Variants in CCNT1 observed in about 807,000 individuals in gnomAD.
CCNT1 encodes the protein cyclin T1, also known as cyclin-T1.
CCNT1 carries 18 observed loss-of-function variants against 67.3 expected under a neutral mutation model. The ratio of observed to expected loss-of-function variants is 0.27; its 90% CI spans 0.18 to 0.40. The LOEUF (loss-of-function observed/expected upper bound fraction) is 0.40, where lower values mean the gene tolerates loss of function less well. CCNT1 is among the 10% of genes least tolerant of loss of function. The pLI, the probability that CCNT1 is intolerant of heterozygous loss-of-function variation, is 1.00. For missense variants in CCNT1, 744 were observed against 884.9 expected (o/e 0.84, Z 2.02); for synonymous variants, 333 against 310.3 (o/e 1.07, Z -0.77).
chr12:48,708,593 G>A (rs1315024009), intron 2 of CCNT1, among the ~76,000 whole-genome samples: 1 of 151,540 alleles, frequency 6.6e-6, no homozygotes, highest in Non-Finnish European at 1.5e-5. Context: ...TAGAAATAAA[G>A]GAAAAAAGAA....
At position 48,693,481 on chromosome 12, in the gene CCNT1, T is replaced by A. The variant is rs1565615071; in HGVS notation, c.1733A>T (p.Glu578Val). ...SSSTRKRGPS[E>V]ETGGAVFDHP... ...ATCAAACACAGCCCCTCCAGTCTCT[T>A]CAGAGGGTCCCCTTTTACGAGTAGA... Residue 578 changes from glutamate (E) to valine (V), a missense_variant, in exon 9 of 9, where the codon GAA becomes GTA. This residue lies in a region of CCNT1 where 564 missense variants were observed against 574.2 expected (regional missense o/e 0.98). Coordinates refer to ENST00000261900, the MANE Select transcript of CCNT1 (RefSeq NM_001240.4). 1 of 1,614,200 alleles carries A rather than the reference T, an allele frequency of 6.2e-7. No individual in the cohort carries two copies. Among genetic ancestry groups the A allele is most frequent in the Non-Finnish European group, 8.5e-7 (1 of 1,180,036 alleles).
intron 3 of CCNT1, among the ~76,000 whole-genome samples, chr12:48,705,041 T>C (rs1362450454): frequency 6.6e-6 from 1 of 152,202 alleles, no homozygotes; most frequent in Non-Finnish European, 1.5e-5. Context: ...GTCTAGAATA[T>C]ATCTGAGAGA....
intron 3 of CCNT1, among the ~76,000 whole-genome samples, chr12:48,705,281 T>TTTGTTG (rs60219074): frequency 0.2 from 30,485 of 150,824 alleles, 3,228 homozygotes; most frequent in Admixed American, 0.29. Context: ...CCAGTTGTTT[T>TTTGTTG]TTGTTGTTGT....
rs879925661 is a variant in CCNT1, at chr12:48,689,189, GAC to G, written c.*3842_*3843del. The G allele has an allele frequency of 4.6e-5, 7 of 152,272 alleles. No individual in the cohort carries two copies. The highest frequency in any genetic ancestry group is 8.8e-5 in the Non-Finnish European group (6 of 68,024). The allele number at this position is 152,272 out of a possible 1,614,324, so 9.4% of individuals were successfully genotyped here. A position where few individuals can be genotyped will look rare whatever the true frequency, so the allele number is the denominator to read the frequency against. On this transcript the variant is annotated 3_prime_UTR_variant, in exon 9 of 9. Coordinates refer to ENST00000261900, the MANE Select transcript of CCNT1 (RefSeq NM_001240.4). ...TAAACACTCACAAAGGGGAAGAGTA[GAC>G]ACTGCTTTTAGTAAACGTCCTTTTT...
intron 2 of CCNT1, among the ~76,000 whole-genome samples, chr12:48,706,273 G>A (rs1246251551): frequency 6.6e-6 from 1 of 152,170 alleles, no homozygotes; most frequent in East Asian, 1.9e-4. Context: ...AAAGTTTAGT[G>A]GTTGCCAGGA....
At chr12:48,712,769 G>A (rs1940475537) in intron 2 of CCNT1, among the ~76,000 whole-genome samples, 1 of 151,226 alleles carries the variant, frequency 6.6e-6, no homozygotes. Context: ...GTGAAACCTC[G>A]TCTCTACTAA....
Position 48,692,181 on chromosome 12 carries a change from C to G in CCNT1, c.*852G>C, listed in dbSNP as rs1940086040. ...GAGTCAGGGTGTTGGCTGTACTTGCCCAAACTACAAATTAGAGGGCTACTA... is the reference window on the plus strand; with the variant it reads ...GAGTCAGGGTGTTGGCTGTACTTGCGCAAACTACAAATTAGAGGGCTACTA... On this transcript the variant is annotated 3_prime_UTR_variant, in exon 9 of 9. Coordinates refer to ENST00000261900, the MANE Select transcript of CCNT1 (RefSeq NM_001240.4). The G allele has an allele frequency of 6.6e-6, 1 of 152,002 alleles. No individual in the cohort carries two copies. The highest frequency in any genetic ancestry group is 2.1e-4 in the South Asian group (1 of 4,818). 9.4% of individuals were successfully genotyped at this position (152,002 alleles called of 1,614,324 possible).
Position 48,716,495 on chromosome 12 carries a change from GGCC to G in CCNT1, c.161+17_161+19del. ...TGGCGGGACCAACTCCAAGGCCGAA[GGCC>G]TAGGCCACAAGGATACACGTTAAGA... On this transcript the variant is annotated intron_variant, in intron 1 of 8. Transcript: ENST00000261900. 1 of 1,600,782 alleles carries G rather than the reference GGCC, an allele frequency of 6.2e-7. No homozygotes were observed. The highest frequency in any genetic ancestry group is 8.5e-7 in the Non-Finnish European group (1 of 1,171,758).
At position 48,693,013 on chromosome 12, in the gene CCNT1, C is replaced by A; in HGVS notation, c.*20G>T. On this transcript the variant is annotated 3_prime_UTR_variant, in exon 9 of 9. Coordinates refer to ENST00000261900, the MANE Select transcript of CCNT1 (RefSeq NM_001240.4). ...TGTGTTTTTTTAAAGAAGTTTTTTT[C>A]TCCTCTTCTTTTTCTTTTTTTACTT... 1 of 1,419,752 alleles carries A rather than the reference C, an allele frequency of 7.0e-7. No homozygotes were observed. Among genetic ancestry groups the A allele is most frequent in the Non-Finnish European group, 9.4e-7 (1 of 1,058,728 alleles). The allele number at this position is 1,419,752 out of a possible 1,614,324, so 87.9% of individuals were successfully genotyped here.
intron 3 of CCNT1, among the ~76,000 whole-genome samples, chr12:48,703,867 G>A (rs76385437): frequency 0.02 from 3,032 of 151,660 alleles, 106 homozygotes; most frequent in African/African-American, 0.07. Flanking sequence ...TCAAGGCCGC[G>A]GTGAGCCATG....
chr12:48,700,222 G>A (rs1940242225), intron 4 of CCNT1, among the ~76,000 whole-genome samples: 1 of 151,500 alleles, frequency 6.6e-6, no homozygotes, highest in Non-Finnish European at 1.5e-5. Context: ...TGGAGGCTGA[G>A]GCAGGAGAAT....
chr12:48,704,577 A>G (rs1335840330), intron 3 of CCNT1, among the ~76,000 whole-genome samples: 1 of 152,182 alleles, frequency 6.6e-6, no homozygotes, highest in Non-Finnish European at 1.5e-5. Flanking sequence ...GTGGGAGGCC[A>G]AGGCGGGCAG....
At position 48,701,027 on chromosome 12, in the gene CCNT1, A is replaced by G; in HGVS notation, c.419T>C (p.Ile140Thr). ...VQDLVILESIILQTLGFELTI... is the reference protein window; with the variant it reads ...VQDLVILESITLQTLGFELTI... ...AATAAACTTACCTAAAGTCTGCAAAATTATGCTTTCTAAAATGACCAGATC... is the reference window on the plus strand; with the variant it reads ...AATAAACTTACCTAAAGTCTGCAAAGTTATGCTTTCTAAAATGACCAGATC... The change falls in exon 4 of 9, where the codon ATT becomes ACT. Residue 140 changes from isoleucine to threonine, a missense_variant. Ile to Thr is a moderately conservative substitution (Grantham distance 89, BLOSUM62 -1). Around this residue, in one of 3 missense-constraint regions of CCNT1, gnomAD observed 142 missense variants for 277.0 expected, o/e 0.51. Coordinates refer to ENST00000261900, the MANE Select transcript of CCNT1 (RefSeq NM_001240.4). 1.9e-6 allele frequency: 3 copies of G among 1,580,258 alleles called. No homozygotes were observed. The highest frequency in any genetic ancestry group is 2.6e-6 in the Non-Finnish European group (3 of 1,159,274).
At chr12:48,703,720 A>C (rs1165875177) in intron 3 of CCNT1, among the ~76,000 whole-genome samples, 3 of 152,122 alleles carry the variant, frequency 2.0e-5, no homozygotes, top group African/African-American at 7.2e-5. Context: ...GAATTACTTG[A>C]GCTCAGGAGG....
At chr12:48,707,187 C>T (rs1394606410) in intron 2 of CCNT1, among the ~76,000 whole-genome samples, 1 of 151,620 alleles carries the variant, frequency 6.6e-6, no homozygotes, top group Non-Finnish European at 1.5e-5. Flanking sequence ...TGGATATGAA[C>T]AAAGGTATGG....
chr12:48,702,750 G>T (rs995473024), intron 3 of CCNT1, among the ~76,000 whole-genome samples: 1 of 152,132 alleles, frequency 6.6e-6, no homozygotes, highest in Non-Finnish European at 1.5e-5. Flanking sequence ...CTGGGAGGTG[G>T]AGGTTGCAGT....
intron 3 of CCNT1, 38 bp from the exon 4 acceptor site, chr12:48,701,111 C>CACA (rs1416908219): frequency 8.1e-7 from 1 of 1,232,522 alleles, no homozygotes; most frequent in African/African-American, 1.5e-5. Flanking sequence ...CCTACAAAGG[C>CACA]ACAATATATA....
At chr12:48,706,837 A>C (rs898693940) in intron 2 of CCNT1, among the ~76,000 whole-genome samples, 1 of 152,234 alleles carries the variant, frequency 6.6e-6, no homozygotes, top group African/African-American at 2.4e-5. Context: ...TTTCTAGAGT[A>C]AGTTTTTCTC....
chr12:48,700,110 G>A (rs1411575997), intron 4 of CCNT1, among the ~76,000 whole-genome samples: 1 of 152,010 alleles, frequency 6.6e-6, no homozygotes, highest in East Asian at 1.9e-4. Flanking sequence ...ACAAGGTCAG[G>A]AGATCAAGAC....
Sources: gnomAD v4.1 joint callset for allele counts (sites outside exome capture counted in the v4.1 genomes callset) on GRCh38, gnomAD v4.1.1 for gene constraint, gnomAD v4.1.1 regional missense constraint, MANE v1.5 for transcripts, NCBI Gene and HGNC (gene_info 2026-07-23, HGNC 2026-07-21) for gene names.